CAMTA1: variants seen among roughly 807,000 people sequenced by gnomAD.
CAMTA1 encodes the protein calmodulin-binding transcription activator 1.
Under a neutral mutation model 170.9 loss-of-function variants are expected in CAMTA1, and 27 were observed. The ratio of observed to expected loss-of-function variants is 0.16; its 90% CI spans 0.12 to 0.22. The LOEUF is 0.22. Among genes scored for constraint, CAMTA1 ranks in the 10% least tolerant of loss-of-function variants. CAMTA1 has a pLI of 1.00. For synonymous variants in CAMTA1, 833 were observed against 891.5 expected, an observed-to-expected ratio of 0.93 and a Z score of 1.17; for missense variants, 1,619 against 2,217.2, an observed-to-expected ratio of 0.73 and a Z score of 5.42.
chr1:7,391,540 C>T (rs549234579), intron 5 of CAMTA1, among the ~76,000 whole-genome samples: 1 of 152,264 alleles, frequency 6.6e-6, no homozygotes, highest in East Asian at 1.9e-4. Flanking sequence ...CTTTCTGTGG[C>T]CATTCTGAGA....
intron 5 of CAMTA1, among the ~76,000 whole-genome samples, chr1:7,440,431 G>A (rs543953949): frequency 6.6e-6 from 1 of 152,368 alleles, no homozygotes; most frequent in East Asian, 1.9e-4. Context: ...GCCGTGTGTT[G>A]CCTGGGAGTT....
At chr1:7,008,920 A>G (rs1005502667) in intron 3 of CAMTA1, among the ~76,000 whole-genome samples, 3 of 152,224 alleles carry the variant, frequency 2.0e-5, no homozygotes, top group African/African-American at 7.2e-5. Flanking sequence ...TTAGAGAAGG[A>G]ACTAAGGGAA....
intron 3 of CAMTA1, among the ~76,000 whole-genome samples, chr1:7,084,719 ATG>A (rs1640497227): frequency 6.6e-6 from 1 of 152,068 alleles, no homozygotes; most frequent in African/African-American, 2.4e-5. Context: ...GGTTCCTGTG[ATG>A]TCTGCATCTA....
At chr1:7,451,087 C>A (rs1057512933) in intron 5 of CAMTA1, among the ~76,000 whole-genome samples, 6 of 152,162 alleles carry the variant, frequency 3.9e-5, no homozygotes, top group African/African-American at 1.4e-4. Flanking sequence ...TGCTGAGGCC[C>A]CAGACCCTGC....
At chr1:7,385,838 CG>C (rs1243010539) in intron 5 of CAMTA1, among the ~76,000 whole-genome samples, 1 of 152,224 alleles carries the variant, frequency 6.6e-6, no homozygotes, top group South Asian at 2.1e-4. Context: ...GCGCCTCTGA[CG>C]GTCTGATTGA....
At chr1:7,116,097 G>A (rs1408818849) in intron 4 of CAMTA1, among the ~76,000 whole-genome samples, 1 of 152,114 alleles carries the variant, frequency 6.6e-6, no homozygotes, top group Non-Finnish European at 1.5e-5. Flanking sequence ...ATGCCCTCCT[G>A]AGTCTGCAAG....
At chr1:7,148,158 G>A (rs1000996427) in intron 4 of CAMTA1, among the ~76,000 whole-genome samples, 6 of 132,916 alleles carry the variant, frequency 4.5e-5, no homozygotes, top group African/African-American at 1.2e-4. Flanking sequence ...CGACACAAAT[G>A]TACACCATGC....
chr1:6,988,557 A>G (rs1695756039), intron 3 of CAMTA1, among the ~76,000 whole-genome samples: 1 of 152,152 alleles, frequency 6.6e-6, no homozygotes, highest in Admixed American at 6.5e-5. Context: ...TTACCCTGGA[A>G]AGAACCCTAG....
chr1:7,631,483 C>T (rs1468817177), intron 6 of CAMTA1, among the ~76,000 whole-genome samples: 1 of 152,204 alleles, frequency 6.6e-6, no homozygotes, highest in South Asian at 2.1e-4. Flanking sequence ...GGTTGTAGAA[C>T]TTGAATGTGG....
intron 5 of CAMTA1, among the ~76,000 whole-genome samples, chr1:7,382,978 C>T (rs1191066486): frequency 6.6e-6 from 1 of 152,212 alleles, no homozygotes; most frequent in Non-Finnish European, 1.5e-5. Context: ...TACTGAGCAA[C>T]TAGTATGTGC....
At chr1:7,545,023 C>G in intron 6 of CAMTA1, among the ~76,000 whole-genome samples, 1 of 152,132 alleles carries the variant, frequency 6.6e-6, no homozygotes, top group Non-Finnish European at 1.5e-5. Context: ...GCATGGGTTT[C>G]GGCAGTGACA....
At chr1:7,159,802 C>A (rs762522435) in intron 4 of CAMTA1, among the ~76,000 whole-genome samples, 1 of 152,180 alleles carries the variant, frequency 6.6e-6, no homozygotes, top group Non-Finnish European at 1.5e-5. Context: ...CCTGCCTTGG[C>A]CTCCCAAAGT....
At chr1:7,107,425 C>A (rs375037970) in intron 4 of CAMTA1, among the ~76,000 whole-genome samples, 39 of 152,028 alleles carry the variant, frequency 2.6e-4, no homozygotes, top group Non-Finnish European at 4.7e-4. Flanking sequence ...ATCAGAAAAC[C>A]GTGAACTTTG....
chr1:7,512,431 A>C (rs998722113), intron 6 of CAMTA1, among the ~76,000 whole-genome samples: 1 of 152,342 alleles, frequency 6.6e-6, no homozygotes, highest in Non-Finnish European at 1.5e-5. Flanking sequence ...TTGCGGCAAC[A>C]CTGCTCGGTA....
At chr1:7,727,250 G>A (rs550756698) in intron 11 of CAMTA1, among the ~76,000 whole-genome samples, 165 of 151,864 alleles carry the variant, frequency 1.1e-3, no homozygotes, top group Non-Finnish European at 1.6e-3. Flanking sequence ...AGCCTCCTGA[G>A]TAGCTGGAAC....
intron 3 of CAMTA1, among the ~76,000 whole-genome samples, chr1:6,998,385 C>G (rs1339078889): frequency 1.3e-5 from 2 of 152,224 alleles, no homozygotes. Context: ...GCTTCTTCCC[C>G]TCATCTGAGT....
chr1:7,124,698 G>A (rs762324057), intron 4 of CAMTA1, among the ~76,000 whole-genome samples: 3 of 152,222 alleles, frequency 2.0e-5, no homozygotes, highest in Non-Finnish European at 2.9e-5. Flanking sequence ...TTAGGGTCAT[G>A]GGTCTCGTTC....
chr1:7,664,375 C>G lies in CAMTA1; in HGVS notation c.1828C>G (p.Gln610Glu). The G allele has an allele frequency of 2.5e-6, 4 of 1,613,764 alleles. No individual in the cohort carries two copies. Among genetic ancestry groups the G allele is most frequent in the Non-Finnish European group, 2.5e-6 (3 of 1,180,006 alleles). ...SQTGHSPHIH[Q>E]TPSPSFFLQD... ...GACGGGCCACAGCCCCCACATCCAC[C>G]AGACCCCCTCCCCGAGCTTCTTCCT... The change falls in exon 9 of 23, where the codon CAG (glutamine) becomes GAG (glutamate). Residue 610 changes from glutamine (Q) to glutamate (E), a missense_variant. Physicochemically the swap from Gln to Glu is conservative, Grantham distance 29. Transcript: ENST00000303635.
intron 11 of CAMTA1, among the ~76,000 whole-genome samples, chr1:7,704,146 G>A (rs2096476171): frequency 1.3e-5 from 2 of 150,740 alleles, no homozygotes; most frequent in South Asian, 4.1e-4. Flanking sequence ...CCTCCCGCCG[G>A]CTGCATTGCA....
Sources: allele counts gnomAD v4.1 joint callset (sites outside exome capture counted in the v4.1 genomes callset), GRCh38; gene constraint gnomAD v4.1.1; transcripts MANE v1.5; gene names NCBI Gene and HGNC (gene_info 2026-07-23, HGNC 2026-07-21).